The following DNAH7 variants were observed in gnomAD, a reference collection of about 807,000 sequenced individuals.
DNAH7 encodes the protein dynein axonemal heavy chain 7.
DNAH7 carries 397 observed loss-of-function variants against 444.6 expected under a neutral mutation model. That is an observed-to-expected ratio of 0.89 (90% CI 0.82 to 0.97). The LOEUF is 0.97. Among genes scored for constraint, DNAH7 ranks in the 50% least tolerant of loss-of-function variants. DNAH7 has a pLI of 0.00. For synonymous variants in DNAH7, 1,636 were observed against 1,624.4 expected (o/e 1.01, Z -0.17); for missense variants, 4,902 against 4,800.8 (o/e 1.02, Z -0.62).
chr2:195,740,377 T>A (rs1268422711), intron 64 of DNAH7, among the ~76,000 whole-genome samples: 2 of 152,130 alleles, frequency 1.3e-5, no homozygotes, highest in African/African-American at 4.8e-5. Context: ...TGAGTTAATG[T>A]TAATGACTCA....
chr2:195,807,737 G>A (rs1696779445), intron 53 of DNAH7, among the ~76,000 whole-genome samples: 1 of 152,148 alleles, frequency 6.6e-6, no homozygotes, highest in South Asian at 2.1e-4. Flanking sequence ...GAAACTTTAG[G>A]AAAAGCTATG....
chr2:195,750,281 C>G (rs1244565275), intron 63 of DNAH7, among the ~76,000 whole-genome samples: 14 of 152,090 alleles, frequency 9.2e-5, no homozygotes, highest in Admixed American at 9.2e-4. Flanking sequence ...TAATTATGTT[C>G]AGTATATAAT....
chr2:195,892,544 C>T (rs904797299), intron 30 of DNAH7: 1 of 150,338 alleles, frequency 6.7e-6, no homozygotes, highest in Non-Finnish European at 1.5e-5. Flanking sequence ...GCAGAAAGTA[C>T]GAAGATTCCA....
At chr2:195,892,109 G>A (rs1481851957) in intron 30 of DNAH7, among the ~76,000 whole-genome samples, 1 of 152,142 alleles carries the variant, frequency 6.6e-6, no homozygotes, top group Admixed American at 6.5e-5. Flanking sequence ...ACTAAGAAAT[G>A]GGTTGGCAAA....
intron 19 of DNAH7, among the ~76,000 whole-genome samples, chr2:195,949,479 T>TCA (rs1032622308): frequency 6.6e-6 from 1 of 152,188 alleles, no homozygotes; most frequent in Non-Finnish European, 1.5e-5. Flanking sequence ...AGATGGAGTT[T>TCA]CACCTTGTTG....
In DNAH7 at chr2:195,778,643, A is replaced by AT. The variant is rs1336691686; in HGVS notation, c.10879-659_10879-658insA. ...GAAAAAAAAAAAAAATAAATAAATA[A>AT]ATATATATATATATATATATATATA... On this transcript the variant is annotated intron_variant, in intron 58 of 64. Coordinates refer to ENST00000312428, the MANE Select transcript of DNAH7 (RefSeq NM_018897.3). 4.8e-3 allele frequency among the ~76,000 whole-genome samples: 271 copies of AT among 56,180 alleles called. 30 individuals are homozygous for AT. The highest frequency in any genetic ancestry group is 0.014 in the African/African-American group (142 of 9,996). 36.9% of individuals were successfully genotyped at this position (56,180 alleles called of 152,430 possible). A position where few individuals can be genotyped will look rare whatever the true frequency, so the allele number is the denominator to read the frequency against.
intron 63 of DNAH7, among the ~76,000 whole-genome samples, chr2:195,748,769 A>T (rs1337851561): frequency 6.6e-6 from 1 of 152,238 alleles, no homozygotes; most frequent in Non-Finnish European, 1.5e-5. Context: ...GTGCTGGGAA[A>T]ACTGGCTAGC....
rs549571291 is a variant in DNAH7 at position 195,857,660 on chromosome 2, T to C, written c.8131A>G (p.Ile2711Val). ...PAGVKLVMEA[I>V]CILKGIKADK... ...GCTTTGATTCCTTTCAAGATGCATA[T>C]AGCTTCCATAACAAGCTTGACACCA... is the stretch of plus-strand genomic sequence containing the variant. The change falls in exon 44 of 65, where the codon ATA (isoleucine) becomes GTA (valine). Residue 2711 changes from isoleucine to valine, a missense_variant. By Grantham distance (29) the Ile-to-Val change is conservative. Coordinates refer to ENST00000312428, the MANE Select transcript of DNAH7 (RefSeq NM_018897.3). 878 of 1,613,668 alleles carry C rather than the reference T, an allele frequency of 5.4e-4. 15 individuals are homozygous for C. The South Asian group carries it at 8.2e-3, about 15-fold the overall frequency.
intron 48 of DNAH7, among the ~76,000 whole-genome samples, chr2:195,831,288 C>A (rs904316602): frequency 6.6e-6 from 1 of 152,140 alleles, no homozygotes; most frequent in African/African-American, 2.4e-5. Context: ...CAGAATACTT[C>A]TTTTCAAAGA....
rs1231221209 is a variant in DNAH7, at chr2:195,988,149, T to C, written c.1434A>G (p.Glu478=). The change falls in exon 13 of 65, where the codon GAA becomes GAG. Residue 478 remains glutamate (E), a synonymous_variant. Transcript: ENST00000312428. The stretch of plus-strand genomic sequence containing the variant: ...GTGCCACACTCTCTTTCATAATAAC[T>C]TCCTTGATCTTTTCTTTGTGAGCAT... ...IVDAHKEKIK[E]VIMKESVAPT... is the part of the protein sequence containing the mutation. The C allele has an allele frequency of 3.7e-6, 6 of 1,613,512 alleles. No homozygotes were observed. The highest frequency in any genetic ancestry group is 5.1e-6 in the Non-Finnish European group (6 of 1,179,722).
chr2:195,756,120 T>C lies in DNAH7; in HGVS notation c.11586+13A>G. ...AGAAACTTAACAATATACGATCATT[T>C]AGACGAACTTACCTGCAAGAATTTT... On this transcript the variant is annotated intron_variant, in intron 62 of 64. Transcript: ENST00000312428. 1 of 1,590,518 alleles carries C rather than the reference T, an allele frequency of 6.3e-7. No homozygotes were observed. The highest frequency in any genetic ancestry group is 1.3e-5 in the African/African-American group (1 of 74,234).
In DNAH7 at chr2:196,028,015, G is replaced by A; in HGVS notation, c.431C>T (p.Pro144Leu). Residue 144 changes from proline to leucine, a missense_variant, in exon 6 of 65, where the codon CCT becomes CTT. Coordinates refer to ENST00000312428, the MANE Select transcript of DNAH7 (RefSeq NM_018897.3). The stretch of plus-strand genomic sequence containing the variant: ...CGGTTTTGGAATTGTGCTTCCATCA[G>A]GGACAGCTGAGTCTAAGTCAGCATC... ...QQDADLDSAV[P>L]DGSTIPKPTA... 6.2e-7 allele frequency: 1 copy of A among 1,610,900 alleles called. No homozygotes were observed. Among genetic ancestry groups the A allele is most frequent in the Non-Finnish European group, 8.5e-7 (1 of 1,178,326 alleles).
At position 195,891,684 on chromosome 2, in the gene DNAH7, C is replaced by T; in HGVS notation, c.5017G>A (p.Val1673Ile). Residue 1673 changes from valine to isoleucine, a missense_variant, in exon 31 of 65, where the codon GTC (valine) becomes ATC (isoleucine). By Grantham distance (29) the Val-to-Ile change is conservative (BLOSUM62 3). Transcript: ENST00000312428. ...SHEWSDGVLAVSFRAFASSVT... is the reference protein window; with the variant it reads ...SHEWSDGVLAISFRAFASSVT... ...GAAGAGGCAAATGCTCTAAAACTGACAGCAAGGACCCCATCAGACCATTCA... is the reference window on the plus strand; with the variant it reads ...GAAGAGGCAAATGCTCTAAAACTGATAGCAAGGACCCCATCAGACCATTCA... The T allele has an allele frequency of 6.3e-7, 1 of 1,594,144 alleles. No individual in the cohort carries two copies. The highest frequency in any genetic ancestry group is 8.5e-7 in the Non-Finnish European group (1 of 1,171,790).
intron 64 of DNAH7, among the ~76,000 whole-genome samples, chr2:195,738,412 T>TAAAA (rs10657533): frequency 5.2e-4 from 78 of 150,378 alleles, no homozygotes; most frequent in African/African-American, 1.7e-3. Context: ...CTTACAATGA[T>TAAAA]AAAAAAAAAA....
intron 61 of DNAH7, among the ~76,000 whole-genome samples, chr2:195,764,926 C>CT (rs1694505232): frequency 6.6e-6 from 1 of 150,580 alleles, no homozygotes. Flanking sequence ...CCAGAATAGC[C>CT]AAAGCTATCC....
intron 9 of DNAH7, among the ~76,000 whole-genome samples, chr2:196,018,689 G>T (rs1392533353): frequency 6.6e-6 from 1 of 152,138 alleles, no homozygotes; most frequent in African/African-American, 2.4e-5. Context: ...ATTAATAGCA[G>T]AATTGGGTTA....
At chr2:196,015,837 AG>A (rs1202502787) in intron 9 of DNAH7, among the ~76,000 whole-genome samples, 2 of 152,320 alleles carry the variant, frequency 1.3e-5, no homozygotes, top group South Asian at 4.1e-4. Context: ...TACTACTCAG[AG>A]GGGTAGCCCT....
chr2:195,772,083 TAGAG>T (rs537502166), intron 60 of DNAH7, among the ~76,000 whole-genome samples, 193 bp from the exon 61 acceptor site: 59 of 152,214 alleles, frequency 3.9e-4, no homozygotes, highest in African/African-American at 1.3e-3. Context: ...AAACTATTGT[TAGAG>T]AGGAGGAATA....
chr2:195,976,409 A>C (rs1004086760), intron 15 of DNAH7, among the ~76,000 whole-genome samples: 2 of 152,080 alleles, frequency 1.3e-5, no homozygotes, highest in African/African-American at 2.4e-5. Context: ...GCTGCAATAG[A>C]GTAGAGTACC....
Sources: allele counts gnomAD v4.1 joint callset (sites outside exome capture counted in the v4.1 genomes callset), GRCh38; gene constraint gnomAD v4.1.1; transcripts MANE v1.5; gene names NCBI Gene and HGNC (gene_info 2026-07-23, HGNC 2026-07-21).